FRMD5: variants seen among roughly 807,000 people sequenced by gnomAD.
The protein encoded by FRMD5 is FERM domain-containing protein 5.
A neutral mutation model predicts 69.0 loss-of-function variants in FRMD5; 20 were observed. The observed-to-expected ratio is 0.29, with a 90% CI of 0.20 to 0.42. The LOEUF (loss-of-function observed/expected upper bound fraction) is 0.42, where lower values mean the gene tolerates loss of function less well. Ranked by LOEUF, FRMD5 falls within the 10% of genes least tolerant of loss-of-function variation. The pLI, the probability that FRMD5 is intolerant of heterozygous loss-of-function variation, is 1.00. For missense variants in FRMD5, 595 were observed against 708.6 expected (o/e 0.84, Z 1.82); for synonymous variants, 271 against 260.1 (o/e 1.04, Z -0.40).
chr15:43,997,106 A>T (rs1467540301), intron 1 of FRMD5, among the ~76,000 whole-genome samples: 2 of 152,208 alleles, frequency 1.3e-5, no homozygotes, highest in African/African-American at 2.4e-5. Flanking sequence ...TTGAACTCCC[A>T]CTTTCAAGAA....
intron 1 of FRMD5, among the ~76,000 whole-genome samples, chr15:44,056,784 T>A (rs924160370): frequency 6.6e-6 from 1 of 152,154 alleles, no homozygotes; most frequent in African/African-American, 2.4e-5. Flanking sequence ...TTGGTTCTCC[T>A]CCACACCATT....
intron 8 of FRMD5, among the ~76,000 whole-genome samples, chr15:43,891,499 AG>A (rs1470848320): frequency 6.6e-6 from 1 of 152,200 alleles, no homozygotes; most frequent in Non-Finnish European, 1.5e-5. Context: ...TGGTCTGAGG[AG>A]GGTGTTTTGC....
chr15:43,936,981 C>T (rs2089772215), intron 1 of FRMD5, among the ~76,000 whole-genome samples: 1 of 151,992 alleles, frequency 6.6e-6, no homozygotes, highest in Non-Finnish European at 1.5e-5. Context: ...ATTACATTTG[C>T]TTAATTATAT....
intron 7 of FRMD5, among the ~76,000 whole-genome samples, chr15:43,898,789 G>A (rs1420707899): frequency 6.6e-6 from 1 of 152,224 alleles, no homozygotes; most frequent in East Asian, 1.9e-4. Flanking sequence ...TGAGGGCTGA[G>A]GGTCAAGGCA....
chr15:43,901,318 T>C (rs1046738687), intron 7 of FRMD5, among the ~76,000 whole-genome samples: 1 of 152,218 alleles, frequency 6.6e-6, no homozygotes, highest in African/African-American at 2.4e-5. Context: ...ACAGAAACCC[T>C]AGGAACTAAT....
chr15:43,891,827 GA>G (rs982071292), intron 8 of FRMD5, among the ~76,000 whole-genome samples, 153 bp downstream of exon 8: 1 of 152,158 alleles, frequency 6.6e-6, no homozygotes, highest in Non-Finnish European at 1.5e-5. Flanking sequence ...CCTAGGAAGA[GA>G]CCACTCCCTT....
rs2077641712 is a variant in FRMD5, at chr15:44,162,864, T to C, written c.102+32089A>G. 3.9e-5 allele frequency among the ~76,000 whole-genome samples: 4 copies of C among 101,796 alleles called. No homozygotes were observed. The South Asian group carries it at 1.0e-3, about 27-fold the overall frequency. 66.8% of individuals were successfully genotyped at this position (101,796 alleles called of 152,430 possible). A position where few individuals can be genotyped will look rare whatever the true frequency, so the allele number is the denominator to read the frequency against. On this transcript the variant is annotated intron_variant, in intron 1 of 13. Coordinates refer to ENST00000417257, the MANE Select transcript of FRMD5 (RefSeq NM_032892.5). ...CATGGGCAACGAGAGCGAAACTCCG[T>C]CTCAAAAAAAAAAAAAAAAAAAAAA...
chr15:44,063,693 G>T, intron 1 of FRMD5: 1 of 357,944 alleles, frequency 2.8e-6, no homozygotes, highest in South Asian at 2.4e-5. Context: ...GCATCATCAA[G>T]CCTGAGAATG....
chr15:44,001,229 C>T (rs1002598902), intron 1 of FRMD5, among the ~76,000 whole-genome samples: 1 of 152,120 alleles, frequency 6.6e-6, no homozygotes, highest in Non-Finnish European at 1.5e-5. Context: ...TATTCAGCTC[C>T]TATGCCCATT....
At chr15:44,135,823 CAAAAAAAAAAA>C (rs747196640) in intron 1 of FRMD5, among the ~76,000 whole-genome samples, 30 of 70,938 alleles carry the variant, frequency 4.2e-4, no homozygotes, top group Admixed American at 2.5e-3. Flanking sequence ...GACTCTGTCT[CAAAAAAAAAAA>C]AAAAAAAAAC....
At chr15:44,162,387 C>T (rs1349737424) in intron 1 of FRMD5, among the ~76,000 whole-genome samples, 2 of 151,906 alleles carry the variant, frequency 1.3e-5, no homozygotes. Context: ...CAGGTCCACG[C>T]CACCACACCT....
At chr15:43,980,292 A>G (rs1480260406) in intron 1 of FRMD5, among the ~76,000 whole-genome samples, 7 of 152,136 alleles carry the variant, frequency 4.6e-5, no homozygotes, top group Admixed American at 6.5e-5. Context: ...GGACTGTCCC[A>G]CTCCTGCAGA....
intron 1 of FRMD5, among the ~76,000 whole-genome samples, chr15:44,042,381 T>C (rs1892236563): frequency 6.6e-6 from 1 of 152,120 alleles, no homozygotes; most frequent in Non-Finnish European, 1.5e-5. Context: ...GCTTCTGAAA[T>C]GATTCCAAAC....
At chr15:43,911,027 T>A (rs565480903) in intron 4 of FRMD5, among the ~76,000 whole-genome samples, 1 of 152,328 alleles carries the variant, frequency 6.6e-6, no homozygotes, top group East Asian at 1.9e-4. Flanking sequence ...CCTGTCACAG[T>A]GGAATGGAAT....
Position 43,888,663 on chromosome 15 carries a change from C to G in FRMD5, c.792+146G>C, listed in dbSNP as rs537735687. On this transcript the variant is annotated intron_variant, in intron 9 of 13. Transcript: ENST00000417257. The stretch of plus-strand genomic sequence containing the variant: ...GTGCTCCAGGGCCTTCCCGCTCCTT[C>G]ATATTGTACCTCCAGGTCCTGACCT... The G allele has an allele frequency of 1.6e-5, 11 of 682,908 alleles. No homozygotes were observed. The African/African-American group carries it at 1.8e-4, about 11-fold the overall frequency. The allele number at this position is 682,908 out of a possible 1,614,324, so 42.3% of individuals were successfully genotyped here.
At chr15:43,909,729 C>T (rs772646657) in intron 5 of FRMD5, among the ~76,000 whole-genome samples, 153 bp downstream of exon 5, 1 of 152,152 alleles carries the variant, frequency 6.6e-6, no homozygotes, top group Non-Finnish European at 1.5e-5. Flanking sequence ...ATCTGCCCAC[C>T]TCGGCCTCCC....
At chr15:44,002,120 C>T (rs549174940) in intron 1 of FRMD5, among the ~76,000 whole-genome samples, 2 of 152,254 alleles carry the variant, frequency 1.3e-5, no homozygotes, top group African/African-American at 4.8e-5. Context: ...AACTTTCTAG[C>T]ACAATAAGAT....
chr15:44,031,672 G>A (rs951038942), intron 1 of FRMD5, among the ~76,000 whole-genome samples: 2 of 151,928 alleles, frequency 1.3e-5, no homozygotes, highest in African/African-American at 4.8e-5. Flanking sequence ...AATTTTGCAG[G>A]GTACAAACAT....
intron 1 of FRMD5, among the ~76,000 whole-genome samples, chr15:43,995,980 GCT>G (rs1312481926): frequency 1.3e-5 from 2 of 151,576 alleles, no homozygotes; most frequent in African/African-American, 4.8e-5. Flanking sequence ...GGCTGCAGAG[GCT>G]CCCCTACAGG....
Sources: gnomAD v4.1 joint callset for allele counts (sites outside exome capture counted in the v4.1 genomes callset) on GRCh38, gnomAD v4.1.1 for gene constraint, MANE v1.5 for transcripts, NCBI Gene and HGNC (gene_info 2026-07-23, HGNC 2026-07-21) for gene names.